Variants in RABGAP1L observed in about 807,000 individuals in gnomAD.
The protein encoded by RABGAP1L is RAB GTPase activating protein 1 like.
Under a neutral mutation model 137.7 loss-of-function variants are expected in RABGAP1L, and 63 were observed. The ratio of observed to expected loss-of-function variants is 0.46; its 90% CI spans 0.37 to 0.56. The LOEUF (loss-of-function observed/expected upper bound fraction) is 0.56. RABGAP1L is among the 20% of genes least tolerant of loss of function. The pLI, the probability that RABGAP1L is intolerant of heterozygous loss-of-function variation, is 0.00. For synonymous variants in RABGAP1L, 431 were observed against 433.7 expected (o/e 0.99, Z 0.08); for missense variants, 1,095 against 1,244.0 (o/e 0.88, Z 1.80).
intron 19 of RABGAP1L, among the ~76,000 whole-genome samples, chr1:174,874,070 A>G (rs955240292): frequency 2.6e-5 from 4 of 152,210 alleles, no homozygotes; most frequent in Non-Finnish European, 5.9e-5. Context: ...AAAATTAGCT[A>G]CTAGTATGGA....
At chr1:174,175,565 T>G (rs1665771404) in intron 1 of RABGAP1L, among the ~76,000 whole-genome samples, 1 of 151,098 alleles carries the variant, frequency 6.6e-6, no homozygotes. Context: ...GCTCAAGCAG[T>G]TCTCCTACCT....
intron 20 of RABGAP1L, 114 bp downstream of exon 20, chr1:174,957,663 C>A: frequency 1.0e-6 from 1 of 1,001,370 alleles, no homozygotes; most frequent in Non-Finnish European, 1.5e-6. Context: ...GCAATCCTCC[C>A]ACTCCAGTCT....
At chr1:174,525,637 T>A (rs1354829295) in intron 13 of RABGAP1L, among the ~76,000 whole-genome samples, 1 of 152,182 alleles carries the variant, frequency 6.6e-6, no homozygotes, top group Non-Finnish European at 1.5e-5. Flanking sequence ...TTTATTTATC[T>A]CTTGACTGAT....
chr1:174,313,826 A>G (rs1679099788), intron 11 of RABGAP1L, among the ~76,000 whole-genome samples: 1 of 152,128 alleles, frequency 6.6e-6, no homozygotes. Flanking sequence ...ATAGATTTGA[A>G]CCATCCCTGC....
intron 11 of RABGAP1L, among the ~76,000 whole-genome samples, chr1:174,326,153 C>T (rs953045233): frequency 3.9e-5 from 6 of 152,166 alleles, no homozygotes; most frequent in African/African-American, 1.2e-4. Flanking sequence ...GACAGAGATG[C>T]ATGTCCACAA....
chr1:174,943,031 T>G (rs1666149079), intron 19 of RABGAP1L, among the ~76,000 whole-genome samples: 1 of 152,230 alleles, frequency 6.6e-6, no homozygotes, highest in African/African-American at 2.4e-5. Flanking sequence ...GGGGAAACTA[T>G]GAACCTCTGT....
At chr1:174,587,812 C>A (rs956417450) in intron 13 of RABGAP1L, among the ~76,000 whole-genome samples, 3 of 152,068 alleles carry the variant, frequency 2.0e-5, no homozygotes, top group African/African-American at 7.2e-5. Context: ...CCATCTCAAG[C>A]ATTTATTTCT....
chr1:174,740,775 A>G (rs1473282165), intron 17 of RABGAP1L, among the ~76,000 whole-genome samples: 1 of 151,960 alleles, frequency 6.6e-6, no homozygotes, highest in African/African-American at 2.4e-5. Context: ...TGGCTGAGGT[A>G]TGCTATCTCA....
intron 11 of RABGAP1L, among the ~76,000 whole-genome samples, chr1:174,347,994 C>T (rs1292743806): frequency 6.6e-6 from 1 of 151,974 alleles, no homozygotes; most frequent in Non-Finnish European, 1.5e-5. Flanking sequence ...AGAGTTTAGT[C>T]CATTTACATT....
intron 13 of RABGAP1L, among the ~76,000 whole-genome samples, chr1:174,544,178 C>T (rs964757254): frequency 6.6e-6 from 1 of 152,162 alleles, no homozygotes; most frequent in Non-Finnish European, 1.5e-5. Flanking sequence ...TGGGTAATAT[C>T]CTGCAGAGTG....
At chr1:174,767,173 G>A (rs1212314522) in intron 18 of RABGAP1L, among the ~76,000 whole-genome samples, 1 of 152,008 alleles carries the variant, frequency 6.6e-6, no homozygotes, top group Non-Finnish European at 1.5e-5. Context: ...GCTGTTCTCC[G>A]ACCACCTTGG....
At chr1:174,562,386 A>G (rs1346568635) in intron 13 of RABGAP1L, among the ~76,000 whole-genome samples, 1 of 152,204 alleles carries the variant, frequency 6.6e-6, no homozygotes, top group Admixed American at 6.5e-5. Context: ...GAGAAACAGG[A>G]AAGCTTTTGC....
chr1:174,374,535 G>A (rs962341332), intron 12 of RABGAP1L, among the ~76,000 whole-genome samples: 1 of 146,454 alleles, frequency 6.8e-6, no homozygotes, highest in Admixed American at 6.8e-5. Flanking sequence ...TCAATATATA[G>A]GTATTGTAGA....
intron 13 of RABGAP1L, among the ~76,000 whole-genome samples, chr1:174,534,132 CTGTGTGTGTGTGTGTGTGTGTG>C (rs35255973): frequency 8.3e-5 from 11 of 132,542 alleles, no homozygotes; most frequent in South Asian, 5.4e-4. Context: ...GAGGTCAACT[CTGTGTGTGTGTGTGTGTGTGTG>C]TGTGTGTGTG....
At chr1:174,750,571 A>C (rs1235165832) in intron 17 of RABGAP1L, among the ~76,000 whole-genome samples, 1 of 152,174 alleles carries the variant, frequency 6.6e-6, no homozygotes, top group Non-Finnish European at 1.5e-5. Flanking sequence ...TTTGACAGGG[A>C]GGTTAAGAAT....
intron 21 of RABGAP1L, among the ~76,000 whole-genome samples, chr1:174,969,772 T>C (rs1669975205): frequency 6.6e-6 from 1 of 152,214 alleles, no homozygotes; most frequent in Admixed American, 6.5e-5. Flanking sequence ...AAATGTGAAC[T>C]TTTACATGAA....
chr1:174,298,238 G>GT (rs988051380), intron 10 of RABGAP1L, among the ~76,000 whole-genome samples: 72 of 152,276 alleles, frequency 4.7e-4, no homozygotes, highest in African/African-American at 1.7e-3. Flanking sequence ...TCCGTCTTCT[G>GT]TCCTTGCATC....
At chr1:174,731,228 TC>T (rs1314525788) in intron 17 of RABGAP1L, among the ~76,000 whole-genome samples, 7 of 152,288 alleles carry the variant, frequency 4.6e-5, no homozygotes, top group Middle Eastern at 6.8e-3. Context: ...CGCCTCGGCC[TC>T]CCAAAGTGCT....
At chr1:174,391,080 A>C (rs909909756) in intron 12 of RABGAP1L, among the ~76,000 whole-genome samples, 6 of 152,184 alleles carry the variant, frequency 3.9e-5, no homozygotes, top group African/African-American at 1.4e-4. Context: ...AGGGAAACAG[A>C]TTGGTCCACA....
Sources: allele counts gnomAD v4.1 joint callset (sites outside exome capture counted in the v4.1 genomes callset), GRCh38; gene constraint gnomAD v4.1.1; transcripts MANE v1.5; gene names NCBI Gene and HGNC (gene_info 2026-07-23, HGNC 2026-07-21).